PTPRN2: variants seen among roughly 807,000 people sequenced by gnomAD.
PTPRN2 encodes receptor-type tyrosine-protein phosphatase N2.
A neutral mutation model predicts 118.8 loss-of-function variants in PTPRN2; 74 were observed. The observed-to-expected ratio is 0.62, with a 90% CI of 0.52 to 0.76. The LOEUF is 0.76. Among genes scored for constraint, PTPRN2 ranks in the 30% least tolerant of loss-of-function variants. The pLI, the probability that PTPRN2 is intolerant of heterozygous loss-of-function variation, is 0.00. For missense variants in PTPRN2, 1,481 were observed against 1,394.4 expected (o/e 1.06, Z -0.99); for synonymous variants, 641 against 608.0 (o/e 1.05, Z -0.80).
intron 6 of PTPRN2, among the ~76,000 whole-genome samples, chr7:158,146,240 T>C (rs370014928): frequency 1.3e-5 from 2 of 152,154 alleles, no homozygotes; most frequent in Non-Finnish European, 2.9e-5. Flanking sequence ...TTCAAGATTA[T>C]GCATTTTGAA....
intron 11 of PTPRN2, among the ~76,000 whole-genome samples, chr7:157,995,863 T>A (rs769845858): frequency 6.6e-6 from 1 of 152,188 alleles, no homozygotes; most frequent in African/African-American, 2.4e-5. Flanking sequence ...TAGCAAAACA[T>A]GAAATCGACG....
intron 2 of PTPRN2, among the ~76,000 whole-genome samples, chr7:158,408,380 G>C (rs1476114227): frequency 6.6e-6 from 1 of 152,222 alleles, no homozygotes; most frequent in Non-Finnish European, 1.5e-5. Context: ...GCAGATTACA[G>C]TAGCTTTCTC....
At chr7:157,548,780 G>A (rs1798450251) in intron 22 of PTPRN2, among the ~76,000 whole-genome samples, 166 bp downstream of exon 22, 1 of 152,202 alleles carries the variant, frequency 6.6e-6, no homozygotes, top group Non-Finnish European at 1.5e-5. Flanking sequence ...TGGGGGCCCA[G>A]AAGTGACCCC....
chr7:157,576,533 G>A (rs936353386), intron 19 of PTPRN2, 80 bp downstream of exon 19: 60 of 1,358,920 alleles, frequency 4.4e-5, no homozygotes, highest in Non-Finnish European at 5.4e-5. Context: ...CGCCAGGGGC[G>A]TCTCAGGAGC....
intron 17 of PTPRN2, among the ~76,000 whole-genome samples, chr7:157,584,717 A>C (rs1006020674): frequency 2.0e-5 from 3 of 152,240 alleles, no homozygotes; most frequent in African/African-American, 7.2e-5. Flanking sequence ...TAAAAGGATG[A>C]GGAGTCAGTT....
At chr7:157,683,315 T>C (rs1797002051) in intron 12 of PTPRN2, among the ~76,000 whole-genome samples, 1 of 151,544 alleles carries the variant, frequency 6.6e-6, no homozygotes, top group Non-Finnish European at 1.5e-5. Context: ...TTGTCGGGGG[T>C]GCTGGGGGGA....
intron 18 of PTPRN2, among the ~76,000 whole-genome samples, chr7:157,577,043 A>G (rs116710340): frequency 1.3e-3 from 191 of 152,294 alleles, no homozygotes; most frequent in African/African-American, 4.1e-3. Context: ...TTAAAAGGTT[A>G]CAATCCAAAA....
chr7:157,711,780 C>T (rs961995802), intron 12 of PTPRN2, among the ~76,000 whole-genome samples: 13 of 152,086 alleles, frequency 8.5e-5, no homozygotes, highest in African/African-American at 2.9e-4. Context: ...ATGTGTCTCT[C>T]CCATGGCCGT....
At chr7:158,520,957 CGAGATCTCAGCCAGCCAAGGAACAG>C (rs1307284350) in intron 1 of PTPRN2, among the ~76,000 whole-genome samples, 1 of 152,092 alleles carries the variant, frequency 6.6e-6, no homozygotes, top group South Asian at 2.1e-4. Context: ...AGGGCCTGGC[CGAGATCTCAGCCAGCCAAGGAACAG>C]GAGATTTCAG....
At chr7:157,789,653 ATATG>A (rs150532390) in intron 12 of PTPRN2, among the ~76,000 whole-genome samples, 16,361 of 145,970 alleles carry the variant, frequency 0.11, 938 homozygotes, top group Middle Eastern at 0.14. Flanking sequence ...TGTGGGTGTG[ATATG>A]TGTGTGTGGT....
At chr7:158,147,882 C>T (rs71267150) in intron 6 of PTPRN2, among the ~76,000 whole-genome samples, 12 of 131,144 alleles carry the variant, frequency 9.2e-5, no homozygotes, top group East Asian at 2.3e-4. Flanking sequence ...CCCCATCTCA[C>T]GCCACGTGTC....
At chr7:158,161,568 T>G (rs1822357465) in intron 6 of PTPRN2, among the ~76,000 whole-genome samples, 1 of 152,224 alleles carries the variant, frequency 6.6e-6, no homozygotes, top group Non-Finnish European at 1.5e-5. Flanking sequence ...CCTTACACCT[T>G]TCACAACTAA....
intron 2 of PTPRN2, among the ~76,000 whole-genome samples, chr7:158,326,877 G>A (rs1260718074): frequency 1.4e-5 from 2 of 139,360 alleles, no homozygotes; most frequent in East Asian, 2.3e-4. Context: ...GCATGCACAC[G>A]TTCTCACACA....
intron 3 of PTPRN2, among the ~76,000 whole-genome samples, chr7:158,281,405 G>A (rs999674309): frequency 1.3e-5 from 2 of 152,220 alleles, no homozygotes; most frequent in Non-Finnish European, 2.9e-5. Flanking sequence ...AATACCAGGA[G>A]TGCATGCTTT....
At chr7:157,852,594 G>T (rs2151207770) in intron 12 of PTPRN2, among the ~76,000 whole-genome samples, 2 of 152,278 alleles carry the variant, frequency 1.3e-5, no homozygotes, top group South Asian at 4.1e-4. Context: ...ACACTGGCCG[G>T]GTGCGGTGGC....
At chr7:158,185,456 A>G (rs1323120180) in intron 5 of PTPRN2, among the ~76,000 whole-genome samples, 1 of 152,236 alleles carries the variant, frequency 6.6e-6, no homozygotes, top group Non-Finnish European at 1.5e-5. Flanking sequence ...GAGAGTTTCA[A>G]TCATTAATGA....
chr7:158,041,996 T>G (rs933798475), intron 11 of PTPRN2, among the ~76,000 whole-genome samples: 6 of 152,212 alleles, frequency 3.9e-5, no homozygotes, highest in Admixed American at 3.9e-4. Context: ...AAAATGTACC[T>G]GCTTTAAGCC....
At chr7:158,316,624 G>T (rs1802344348) in intron 3 of PTPRN2, among the ~76,000 whole-genome samples, 195 bp downstream of exon 3, 1 of 152,140 alleles carries the variant, frequency 6.6e-6, no homozygotes, top group Non-Finnish European at 1.5e-5. Context: ...GCAGGCCTGG[G>T]CTCCTCCAAA....
At chr7:158,372,793 T>C (rs1161986221) in intron 2 of PTPRN2, among the ~76,000 whole-genome samples, 2 of 152,222 alleles carry the variant, frequency 1.3e-5, no homozygotes, top group Non-Finnish European at 2.9e-5. Flanking sequence ...TATCTTTAAG[T>C]GCAGGAAAAA....
Sources: gnomAD v4.1 joint callset for allele counts (sites outside exome capture counted in the v4.1 genomes callset) on GRCh38, gnomAD v4.1.1 for gene constraint, MANE v1.5 for transcripts, NCBI Gene and HGNC (gene_info 2026-07-23, HGNC 2026-07-21) for gene names.